Variants in TMEM135 observed in about 807,000 individuals in gnomAD.
TMEM135 encodes transmembrane protein 135, also known as peroxisomal membrane protein 52.
In TMEM135, 30 loss-of-function variants were observed where a neutral mutation model predicts 60.3. That is an observed-to-expected ratio of 0.50 (90% confidence interval 0.37 to 0.68). TMEM135 has a LOEUF of 0.68. Among genes scored for constraint, TMEM135 ranks in the 30% least tolerant of loss-of-function variants. The probability of loss-of-function intolerance (pLI) is 0.00; values close to 1 mark genes in which losing one functional copy is unlikely to be tolerated. For synonymous variants in TMEM135, 190 were observed against 186.7 expected (o/e 1.02, Z -0.14); for missense variants, 468 against 548.8 (o/e 0.85, Z 1.47).
intron 6 of TMEM135, among the ~76,000 whole-genome samples, chr11:87,283,404 T>G (rs991141153): frequency 6.6e-6 from 1 of 152,158 alleles, no homozygotes; most frequent in Non-Finnish European, 1.5e-5. Flanking sequence ...TTTTGCTCCA[T>G]TACTAGGAGA....
chr11:87,276,521 T>C (rs301597), intron 6 of TMEM135, among the ~76,000 whole-genome samples: 12,009 of 139,856 alleles, frequency 0.086, 506 homozygotes, highest in South Asian at 0.12. Context: ...TATATATATA[T>C]ACACACACAT....
At chr11:87,186,049 G>A (rs928655006) in intron 5 of TMEM135, among the ~76,000 whole-genome samples, 1 of 152,142 alleles carries the variant, frequency 6.6e-6, no homozygotes, top group Admixed American at 6.5e-5. Flanking sequence ...TGGGACTACA[G>A]GCATGTGCCA....
chr11:87,062,258 C>A (rs1299898135), intron 1 of TMEM135, among the ~76,000 whole-genome samples: 5 of 152,138 alleles, frequency 3.3e-5, no homozygotes, highest in African/African-American at 1.2e-4. Flanking sequence ...CCCACCTCGG[C>A]CTCCCATAGT....
At chr11:87,209,676 G>T (rs752719495) in intron 5 of TMEM135, among the ~76,000 whole-genome samples, 1 of 151,918 alleles carries the variant, frequency 6.6e-6, no homozygotes. Flanking sequence ...AACTCAACAC[G>T]ACCAGTTGTA....
At chr11:87,047,237 G>A (rs577364754) in intron 1 of TMEM135, among the ~76,000 whole-genome samples, 8 of 152,246 alleles carry the variant, frequency 5.3e-5, no homozygotes, top group African/African-American at 1.9e-4. Context: ...ACAACAGAGA[G>A]CTCTTGATTT....
intron 5 of TMEM135, among the ~76,000 whole-genome samples, chr11:87,164,248 T>G (rs1258560726): frequency 8.5e-6 from 1 of 118,244 alleles, no homozygotes; most frequent in Non-Finnish European, 1.7e-5. Flanking sequence ...GTTTCAGCTT[T>G]CTACATATGG....
rs527389330 is a variant in TMEM135 at position 87,169,369 on chromosome 11, A to C, written c.462+11963A>C. The stretch of plus-strand genomic sequence containing the variant: ...ATGATGCTAGCTGGTTATTTTGCCC[A>C]TTAGTTGATGCAGTTTCTTCATAGT... On this transcript the variant is annotated intron_variant, in intron 5 of 14. Coordinates refer to ENST00000305494, the MANE Select transcript of TMEM135 (RefSeq NM_022918.4). Among the ~76,000 whole-genome samples, 11 of 151,068 alleles carry C rather than the reference A, an allele frequency of 7.3e-5. No homozygotes were observed. The South Asian group carries it at 2.3e-3, about 32-fold the overall frequency.
At chr11:87,158,065 A>C (rs1938750491) in intron 5 of TMEM135, among the ~76,000 whole-genome samples, 1 of 152,118 alleles carries the variant, frequency 6.6e-6, no homozygotes, top group Admixed American at 6.5e-5. Context: ...TTCTATTCTA[A>C]TGGCAAATAC....
At chr11:87,200,720 A>G (rs951519196) in intron 5 of TMEM135, among the ~76,000 whole-genome samples, 2 of 151,704 alleles carry the variant, frequency 1.3e-5, no homozygotes, top group Admixed American at 6.6e-5. Context: ...CCATTATAGC[A>G]TCATACAGAA....
intron 5 of TMEM135, among the ~76,000 whole-genome samples, chr11:87,168,047 T>C (rs1378049000): frequency 6.6e-6 from 1 of 152,198 alleles, no homozygotes; most frequent in Non-Finnish European, 1.5e-5. Flanking sequence ...GGAGGGTGTA[T>C]GTGTCCAGGA....
intron 4 of TMEM135, among the ~76,000 whole-genome samples, chr11:87,130,007 A>G (rs952945295): frequency 1.8e-4 from 28 of 152,160 alleles, no homozygotes; most frequent in African/African-American, 6.5e-4. Context: ...ATACTCCAAG[A>G]TAATGATTTT....
intron 4 of TMEM135, among the ~76,000 whole-genome samples, chr11:87,120,795 A>G (rs1057145218): frequency 5.9e-5 from 9 of 152,138 alleles, no homozygotes; most frequent in African/African-American, 2.2e-4. Flanking sequence ...TATTAATTAT[A>G]ATCGTTTAAA....
At chr11:87,038,293 T>A in intron 1 of TMEM135, 107 bp downstream of exon 1, 1 of 1,217,190 alleles carries the variant, frequency 8.2e-7, no homozygotes, top group South Asian at 1.2e-5. Context: ...TGTGTCGGGC[T>A]CTCTTTTGGA....
intron 5 of TMEM135, among the ~76,000 whole-genome samples, chr11:87,210,342 A>T (rs557429868): frequency 4.1e-4 from 62 of 152,244 alleles, no homozygotes; most frequent in African/African-American, 1.4e-3. Context: ...ATTACCACTG[A>T]CTCCACAGAA....
At chr11:87,272,408 C>A (rs1941886349) in intron 6 of TMEM135, among the ~76,000 whole-genome samples, 1 of 151,912 alleles carries the variant, frequency 6.6e-6, no homozygotes, top group South Asian at 2.1e-4. Context: ...TGTAAGATGA[C>A]CTCTGTGAAC....
intron 4 of TMEM135, among the ~76,000 whole-genome samples, chr11:87,126,886 G>A (rs754372819): frequency 2.0e-5 from 3 of 152,100 alleles, no homozygotes; most frequent in Non-Finnish European, 2.9e-5. Flanking sequence ...AAAGTCAAAA[G>A]CAGGGGTAAA....
chr11:87,187,489 G>C (rs139952711), intron 5 of TMEM135, among the ~76,000 whole-genome samples: 3 of 152,250 alleles, frequency 2.0e-5, no homozygotes, highest in African/African-American at 7.2e-5. Flanking sequence ...CATGGGCTTT[G>C]GGGATCTTGC....
chr11:87,167,535 C>T (rs555334481), intron 5 of TMEM135, among the ~76,000 whole-genome samples: 1 of 152,226 alleles, frequency 6.6e-6, no homozygotes, highest in South Asian at 2.1e-4. Flanking sequence ...TGAGTTTTAT[C>T]AAAGGCCTTT....
At chr11:87,117,974 G>A (rs1412179235) in intron 4 of TMEM135, among the ~76,000 whole-genome samples, 3 of 152,172 alleles carry the variant, frequency 2.0e-5, no homozygotes, top group African/African-American at 7.2e-5. Context: ...TCCATGGGCT[G>A]CAGAATGGAT....
Sources: gnomAD v4.1 joint callset for allele counts (sites outside exome capture counted in the v4.1 genomes callset) on GRCh38, gnomAD v4.1.1 for gene constraint, MANE v1.5 for transcripts, NCBI Gene and HGNC (gene_info 2026-07-23, HGNC 2026-07-21) for gene names.